CCDC102B: variants seen among roughly 807,000 people sequenced by gnomAD.
The protein encoded by CCDC102B is coiled-coil domain-containing protein 102B.
Under a neutral mutation model 57.4 loss-of-function variants are expected in CCDC102B, and 75 were observed. The ratio of observed to expected loss-of-function variants is 1.31; its 90% CI spans 1.08 to 1.58. The LOEUF (loss-of-function observed/expected upper bound fraction) is 1.58. Among genes scored for constraint, CCDC102B ranks in the 40% most tolerant of loss-of-function variants. The pLI, the probability that CCDC102B is intolerant of heterozygous loss-of-function variation, is 0.00. For missense variants in CCDC102B, 636 were observed against 582.6 expected (o/e 1.09, Z -0.94); for synonymous variants, 206 against 201.9 (o/e 1.02, Z -0.17).
At chr18:68,744,627 C>T (rs2033539701) in intron 2 of CCDC102B, among the ~76,000 whole-genome samples, 1 of 152,092 alleles carries the variant, frequency 6.6e-6, no homozygotes, top group Non-Finnish European at 1.5e-5. Flanking sequence ...GTTGAGGTCT[C>T]ATACCATGGA....
chr18:68,888,031 T>C (rs1207134193), intron 5 of CCDC102B, among the ~76,000 whole-genome samples: 6 of 152,194 alleles, frequency 3.9e-5, no homozygotes, highest in African/African-American at 1.2e-4. Context: ...TTAAGACAGG[T>C]ATCATGATGA....
chr18:68,783,956 T>G (rs894934776), intron 2 of CCDC102B, among the ~76,000 whole-genome samples: 2 of 152,216 alleles, frequency 1.3e-5, no homozygotes, highest in African/African-American at 4.8e-5. Context: ...TTACTCTTTC[T>G]CAAAAGGAAA....
At chr18:68,723,612 C>T (rs1483920376) in intron 2 of CCDC102B, among the ~76,000 whole-genome samples, 1 of 152,196 alleles carries the variant, frequency 6.6e-6, no homozygotes, top group Non-Finnish European at 1.5e-5. Flanking sequence ...GTCATTAAAC[C>T]TTAAAGTTCC....
intron 1 of CCDC102B, among the ~76,000 whole-genome samples, chr18:68,822,007 G>A (rs921434342): frequency 6.6e-5 from 10 of 152,100 alleles, no homozygotes; most frequent in African/African-American, 2.2e-4. Context: ...ATATCACTTT[G>A]TTCTAGAAGC....
intron 4 of CCDC102B, among the ~76,000 whole-genome samples, chr18:68,854,291 G>C (rs980820158): frequency 6.6e-6 from 1 of 151,822 alleles, no homozygotes; most frequent in African/African-American, 2.4e-5. Context: ...GTAGAGAAAG[G>C]GATTCTCCAT....
chr18:68,906,825 C>A (rs1046701897), intron 6 of CCDC102B, among the ~76,000 whole-genome samples: 2 of 114,370 alleles, frequency 1.7e-5, no homozygotes, highest in African/African-American at 6.7e-5. Context: ...TACATTTTGA[C>A]GAATTCTATT....
chr18:68,890,029 T>G (rs990284871), intron 5 of CCDC102B, among the ~76,000 whole-genome samples: 1 of 152,204 alleles, frequency 6.6e-6, no homozygotes, highest in Admixed American at 6.5e-5. Context: ...GATATTAGGA[T>G]GCTGGCCATC....
intron 3 of CCDC102B, among the ~76,000 whole-genome samples, chr18:68,845,986 A>C (rs765125875): frequency 4.0e-5 from 6 of 151,730 alleles, no homozygotes; most frequent in Non-Finnish European, 7.4e-5. Flanking sequence ...AGAAACATAT[A>C]TATCCTCCTA....
Position 68,738,993 on chromosome 18 carries a change from C to CTTTTTTTTTTTTTTTTTTTTTTTTTTTT in CCDC102B, c.-67+22403_-67+22404insTTTTTTTTTTTTTTTTTTTTTTTTTTTT, listed in dbSNP as rs201214278. 6.6e-4 allele frequency among the ~76,000 whole-genome samples: 96 copies of CTTTTTTTTTTTTTTTTTTTTTTTTTTTT among 144,984 alleles called. 6 individuals carry two copies. Among genetic ancestry groups the CTTTTTTTTTTTTTTTTTTTTTTTTTTTT allele is most frequent in the South Asian group, 3.8e-3 (17 of 4,422 alleles). The stretch of plus-strand genomic sequence containing the variant: ...GGCCATTGGACTGTAGATGAGCAGC[C>CTTTTTTTTTTTTTTTTTTTTTTTTTTTT]TTTTGTTTTTTTTTTTTTTAGACCA... On this transcript the variant is annotated intron_variant, in intron 2 of 3. Transcript: ENST00000578970.
intron 7 of CCDC102B, among the ~76,000 whole-genome samples, chr18:69,030,196 A>AT (rs950356347): frequency 1.3e-5 from 2 of 152,214 alleles, no homozygotes; most frequent in African/African-American, 4.8e-5. Context: ...AACACAAAAT[A>AT]TTTTTAAAAA....
chr18:68,787,506 T>G (rs960968162), intron 2 of CCDC102B, among the ~76,000 whole-genome samples: 2 of 150,980 alleles, frequency 1.3e-5, no homozygotes, highest in African/African-American at 4.9e-5. Flanking sequence ...CAATTTCAGA[T>G]CCTGTTATTT....
At chr18:68,850,992 G>A (rs1192750964) in intron 4 of CCDC102B, among the ~76,000 whole-genome samples, 1 of 151,782 alleles carries the variant, frequency 6.6e-6, no homozygotes, top group Non-Finnish European at 1.5e-5. Context: ...CAAACTGTGT[G>A]GTTATTTTTA....
chr18:68,852,134 C>T (rs2038156343), intron 4 of CCDC102B, among the ~76,000 whole-genome samples: 1 of 131,486 alleles, frequency 7.6e-6, no homozygotes, highest in Non-Finnish European at 1.7e-5. Flanking sequence ...GGCCACTTCC[C>T]TCTCCCCCAC....
intron 6 of CCDC102B, among the ~76,000 whole-genome samples, chr18:68,975,866 C>T (rs568327796): frequency 3.4e-5 from 5 of 145,872 alleles, no homozygotes; most frequent in African/African-American, 7.5e-5. Context: ...AAAAAAAAAG[C>T]GTCTACCTGA....
intron 2 of CCDC102B, among the ~76,000 whole-genome samples, chr18:68,732,148 G>C (rs188510722): frequency 3.6e-4 from 54 of 151,336 alleles, no homozygotes; most frequent in African/African-American, 1.0e-3. Context: ...CACTGCTTCA[G>C]GGGGGAATCT....
chr18:68,862,059 A>G (rs575613119), intron 4 of CCDC102B, among the ~76,000 whole-genome samples: 1 of 152,334 alleles, frequency 6.6e-6, no homozygotes, highest in African/African-American at 2.4e-5. Context: ...ATTGATAAAC[A>G]ATCACATAAA....
chr18:68,860,506 T>A (rs2038701866), intron 4 of CCDC102B, among the ~76,000 whole-genome samples: 1 of 120,228 alleles, frequency 8.3e-6, no homozygotes, highest in African/African-American at 2.8e-5. Context: ...CAGGATGACC[T>A]GGCCTTCTGT....
At chr18:68,795,128 G>T (rs1465973972), upstream of CCDC102B, among the ~76,000 whole-genome samples, 1 of 152,042 alleles carries the variant, frequency 6.6e-6, no homozygotes, top group Non-Finnish European at 1.5e-5. Context: ...GTAAAGACGG[G>T]TTATTAAATT....
chr18:69,010,809 A>G, intron 6 of CCDC102B, 125 bp from the exon 7 acceptor site: 1 of 612,892 alleles, frequency 1.6e-6, no homozygotes, highest in East Asian at 2.8e-5. Flanking sequence ...AGAATTGCAA[A>G]TGAAGATGAT....
Sources: gnomAD v4.1 joint callset for allele counts (sites outside exome capture counted in the v4.1 genomes callset) on GRCh38, gnomAD v4.1.1 for gene constraint, MANE v1.5 for transcripts, NCBI Gene and HGNC (gene_info 2026-07-23, HGNC 2026-07-21) for gene names.